The following USP48 variants were observed in gnomAD, a reference collection of about 807,000 sequenced individuals.
USP48 encodes the protein ubiquitin specific peptidase 48, also known as ubiquitin carboxyl-terminal hydrolase 48.
USP48 carries 43 observed loss-of-function variants against 150.7 expected under a neutral mutation model. The ratio of observed to expected loss-of-function variants is 0.29; its 90% CI spans 0.22 to 0.37. The LOEUF is 0.37. Among genes scored for constraint, USP48 ranks in the 10% least tolerant of loss-of-function variants. USP48 has a pLI of 1.00. For missense variants in USP48, 813 were observed against 1,249.6 expected (o/e 0.65, Z 5.27); for synonymous variants, 396 against 425.9 (o/e 0.93, Z 0.86).
intron 22 of USP48, among the ~76,000 whole-genome samples, chr1:21,697,480 G>A (rs933823834): frequency 4.6e-5 from 7 of 152,030 alleles, no homozygotes; most frequent in Admixed American, 2.6e-4. Flanking sequence ...TGGCTAACAT[G>A]GTGAAACCCC....
chr1:21,702,629 T>C (rs2097660476), intron 21 of USP48, among the ~76,000 whole-genome samples: 1 of 145,218 alleles, frequency 6.9e-6, no homozygotes, highest in African/African-American at 2.5e-5. Context: ...TCCAGGGGCT[T>C]ATATCTACAC....
In USP48 at chr1:21,776,616, A is replaced by AG. The variant is rs1553149430; in HGVS notation, c.134+6207_134+6208insC. 2.3e-3 allele frequency among the ~76,000 whole-genome samples: 344 copies of AG among 149,602 alleles called. 5 individuals are homozygous for AG. The highest frequency in any genetic ancestry group is 3.7e-3 in the Non-Finnish European group (247 of 67,422). Reference sequence around the variant, plus strand: ...TCAAAAAAAAAAAAAAAAAAAAAAAAAAGAAGAAAGTGAGTAGAAAGAGAG... The same window carrying AG: ...TCAAAAAAAAAAAAAAAAAAAAAAAAGAAGAAGAAAGTGAGTAGAAAGAGAG... On this transcript the variant is annotated intron_variant, in intron 1 of 26. Transcript: ENST00000308271.
intron 14 of USP48, among the ~76,000 whole-genome samples, chr1:21,719,019 C>T (rs2097712263): frequency 6.6e-6 from 1 of 151,980 alleles, no homozygotes; most frequent in African/African-American, 2.4e-5. Flanking sequence ...GTAATCCTAG[C>T]ACTTTGGGAG....
At chr1:21,761,483 T>C (rs1352443524) in intron 1 of USP48, among the ~76,000 whole-genome samples, 3 of 152,186 alleles carry the variant, frequency 2.0e-5, no homozygotes, top group African/African-American at 7.2e-5. Flanking sequence ...TGCCCCAGGC[T>C]GACCCCATCA....
intron 1 of USP48, among the ~76,000 whole-genome samples, chr1:21,775,561 A>T (rs1179389130): frequency 6.6e-6 from 1 of 152,210 alleles, no homozygotes; most frequent in Non-Finnish European, 1.5e-5. Context: ...GGCCCTCATT[A>T]GGGTTTTGGG....
intron 22 of USP48, among the ~76,000 whole-genome samples, chr1:21,698,278 AT>A (rs1383381526): frequency 1.3e-5 from 2 of 152,224 alleles, no homozygotes; most frequent in African/African-American, 2.4e-5. Context: ...AATGTAAAAC[AT>A]TTTAGAGTAT....
chr1:21,720,944 C>G (rs2097718931), intron 14 of USP48, 92 bp downstream of exon 14: 2 of 1,522,472 alleles, frequency 1.3e-6, no homozygotes, highest in South Asian at 1.3e-5. Context: ...TCCCAAGTAG[C>G]TGGGACTACA....
chr1:21,725,285 CTA>C (rs567629818), intron 11 of USP48, among the ~76,000 whole-genome samples: 14 of 152,294 alleles, frequency 9.2e-5, no homozygotes, highest in Admixed American at 5.2e-4. Flanking sequence ...CTTAAACTTT[CTA>C]TGTTTCCAGT....
intron 24 of USP48, among the ~76,000 whole-genome samples, chr1:21,688,182 G>T (rs890637435): frequency 6.6e-6 from 1 of 152,184 alleles, no homozygotes; most frequent in Admixed American, 6.5e-5. Context: ...GGCCCTTAGG[G>T]AGGGTAGAAT....
At chr1:21,775,915 C>T (rs2097897085) in intron 1 of USP48, among the ~76,000 whole-genome samples, 1 of 152,154 alleles carries the variant, frequency 6.6e-6, no homozygotes, top group Non-Finnish European at 1.5e-5. Context: ...AAAAGATTAA[C>T]TGTAACAAAA....
chr1:21,715,184 C>A, intron 15 of USP48: 1 of 484,618 alleles, frequency 2.1e-6, no homozygotes. Context: ...AACTGAAATT[C>A]AATACTTCAA....
At chr1:21,714,275 C>T (rs976365504) in intron 15 of USP48, among the ~76,000 whole-genome samples, 5 of 152,066 alleles carry the variant, frequency 3.3e-5, no homozygotes, top group African/African-American at 1.2e-4. Context: ...ATTTATTGTC[C>T]TATTGATTTT....
At chr1:21,690,178 G>T in intron 23 of USP48, 79 bp from the exon 24 acceptor site, 10 of 1,273,290 alleles carry the variant, frequency 7.9e-6, no homozygotes, top group South Asian at 6.1e-5. Flanking sequence ...AATTATGCAT[G>T]GATTCTTAAA....
chr1:21,682,384 C>T (rs2097568324), intron 25 of USP48, among the ~76,000 whole-genome samples: 1 of 151,900 alleles, frequency 6.6e-6, no homozygotes, highest in Non-Finnish European at 1.5e-5. Context: ...TTTACATTTC[C>T]ATGAACTCTC....
intron 16 of USP48, 40 bp downstream of exon 16, chr1:21,706,704 G>T: frequency 6.2e-7 from 1 of 1,609,428 alleles, no homozygotes; most frequent in Non-Finnish European, 8.5e-7. Context: ...ACCCAGGGAG[G>T]TGGCATGCCA....
At chr1:21,726,109 G>C (rs1349504649) in intron 11 of USP48, among the ~76,000 whole-genome samples, 3 of 152,162 alleles carry the variant, frequency 2.0e-5, no homozygotes, top group African/African-American at 7.2e-5. Flanking sequence ...CCAGCAGCTG[G>C]GGAGGAGTGG....
intron 8 of USP48, among the ~76,000 whole-genome samples, chr1:21,738,119 G>A (rs981013732): frequency 6.6e-6 from 1 of 151,954 alleles, no homozygotes; most frequent in East Asian, 1.9e-4. Context: ...GTGCAATGGC[G>A]TGATCTCGGC....
At chr1:21,697,183 A>G (rs538925687) in intron 22 of USP48, among the ~76,000 whole-genome samples, 4 of 152,192 alleles carry the variant, frequency 2.6e-5, no homozygotes, top group Non-Finnish European at 5.9e-5. Flanking sequence ...AACACAGAAG[A>G]GCATTTGTTC....
rs11311453 is a variant in USP48, at chr1:21,701,064, C to CAA, written c.2727+432_2727+433dup. 6.8e-3 allele frequency among the ~76,000 whole-genome samples: 409 copies of CAA among 60,472 alleles called. 6 individuals carry two copies. The highest frequency in any genetic ancestry group is 0.023 in the African/African-American group (365 of 15,770). The allele number at this position is 60,472 out of a possible 152,430, so 39.7% of individuals were successfully genotyped here. On this transcript the variant is annotated intron_variant, in intron 22 of 26. Coordinates refer to ENST00000308271, the MANE Select transcript of USP48 (RefSeq NM_032236.8). ...TGGTTGACAAGGCTAGGATCCATCT[C>CAA]AAAAAAAAAAAAAAAAAAAAGGCCG... is the stretch of plus-strand genomic sequence containing the variant.
Sources: allele counts gnomAD v4.1 joint callset (sites outside exome capture counted in the v4.1 genomes callset), GRCh38; gene constraint gnomAD v4.1.1; transcripts MANE v1.5; gene names NCBI Gene and HGNC (gene_info 2026-07-23, HGNC 2026-07-21).